Variants in INCENP observed in about 807,000 individuals in gnomAD.
INCENP encodes the protein inner centromere protein, also known as binds and activates aurora-B and -C in vivo and in vitro.
A neutral mutation model predicts 107.3 loss-of-function variants in INCENP; 43 were observed. The observed-to-expected ratio is 0.40, with a 90% CI of 0.31 to 0.52. INCENP has a LOEUF of 0.52. INCENP is among the 20% of genes least tolerant of loss of function. The probability of loss-of-function intolerance (pLI) is 0.53; values close to 1 mark genes in which losing one functional copy is unlikely to be tolerated. For missense variants in INCENP, 1,089 were observed against 1,250.9 expected (o/e 0.87, Z 1.95); for synonymous variants, 488 against 494.4 (o/e 0.99, Z 0.17).
intron 7 of INCENP, 42 bp from the exon 8 acceptor site, chr11:62,140,192 G>A (rs922913034): frequency 6.3e-6 from 10 of 1,593,874 alleles, no homozygotes; most frequent in Admixed American, 1.7e-5. Flanking sequence ...CCCTGCCGCC[G>A]CCATCGTTTC....
rs376752353 is a variant in INCENP, at chr11:62,144,397, AAATT to A, written c.1606-581_1606-578del. ...CACAGGAAGTTTGGAAAATAAAAGA[AAATT>A]AATACCATCCCTAATCCATCTCACT... On this transcript the variant is annotated intron_variant, in intron 11 of 18. Coordinates refer to ENST00000394818, the MANE Select transcript of INCENP (RefSeq NM_001040694.2). Among the ~76,000 whole-genome samples, 1,116 of 152,246 alleles carry A rather than the reference AAATT, an allele frequency of 7.3e-3. 18 individuals are homozygous for A. Among genetic ancestry groups the A allele is most frequent in the African/African-American group, 0.025 (1,050 of 41,518 alleles).
At chr11:62,145,524 C>A in intron 13 of INCENP, 105 bp from the exon 14 acceptor site, 1 of 1,429,418 alleles carries the variant, frequency 7.0e-7, no homozygotes. Context: ...TGGGAACAAG[C>A]CAGGTGTGCA....
chr11:62,124,174 G>C lies in INCENP; in HGVS notation c.-12+11G>C, dbSNP rs61895534. On this transcript the variant is annotated intron_variant, in intron 1 of 18. Transcript: ENST00000394818. ...ACGTGGCGCAGTCGAGTGAGTGCGCGTGGGCGTGGGGATTGGGGGGTGGTT... is the reference window on the plus strand; with the variant it reads ...ACGTGGCGCAGTCGAGTGAGTGCGCCTGGGCGTGGGGATTGGGGGGTGGTT... The C allele has an allele frequency of 6.6e-6, 1 of 152,344 alleles. No homozygotes were observed. Among genetic ancestry groups the C allele is most frequent in the African/African-American group, 2.4e-5 (1 of 41,538 alleles). The allele number at this position is 152,344 out of a possible 1,614,324, so 9.4% of individuals were successfully genotyped here. A position where few individuals can be genotyped will look rare whatever the true frequency, so the allele number is the denominator to read the frequency against.
In INCENP at chr11:62,140,780, C is replaced by T; in HGVS notation, c.1420C>T (p.Pro474Ser). ...CCTGGAGGATGAGGAGCTGCAGCCCCCCAGGAGCAAGACCCCTTCCTCACC... is the reference window on the plus strand; with the variant it reads ...CCTGGAGGATGAGGAGCTGCAGCCCTCCAGGAGCAAGACCCCTTCCTCACC... The part of the protein sequence containing the change: ...QHLEDEELQP[P>S]RSKTPSSPCP... The change falls in exon 9 of 19, where the codon CCC (proline) becomes TCC (serine). Residue 474 changes from proline (P) to serine (S), a missense_variant. Transcript: ENST00000394818. 6.2e-7 allele frequency: 1 copy of T among 1,612,024 alleles called. No homozygotes were observed. The highest frequency in any genetic ancestry group is 8.5e-7 in the Non-Finnish European group (1 of 1,179,682).
chr11:62,138,708 T>C lies in INCENP; in HGVS notation c.1116-5T>C, dbSNP rs777538345. On this transcript the variant is annotated splice_region_variant and splice_polypyrimidine_tract_variant and intron_variant, in intron 5 of 18. Coordinates refer to ENST00000394818, the MANE Select transcript of INCENP (RefSeq NM_001040694.2). ...GTCCCCTCAGAGTCCCTCTTCTGTT[T>C]TCAGTTCTGAGCAGAAGGAACCCCC... 2 of 1,613,830 alleles carry C rather than the reference T, an allele frequency of 1.2e-6. No homozygotes were observed. Among genetic ancestry groups the C allele is most frequent in the East Asian group, 4.5e-5 (2 of 44,882 alleles).
chr11:62,145,298 C>T lies in INCENP; in HGVS notation c.1836+9C>T. ...ACGAGAAGACTGAGAAGGTGGGAGC[C>T]TGGGCTGTGGAGGCCCAGGCAATTC... On this transcript the variant is annotated intron_variant, in intron 13 of 18. Coordinates refer to ENST00000394818, the MANE Select transcript of INCENP (RefSeq NM_001040694.2). 1 of 1,613,906 alleles carries T rather than the reference C, an allele frequency of 6.2e-7. No homozygotes were observed.
chr11:62,139,420 G>T lies in INCENP; in HGVS notation c.1291+415G>T, dbSNP rs530754715. ...CTTTGTATGTCCATCCTTGTCTAAA[G>T]AGGGCTGGAGAGCAGTGGGTTTGGG... On this transcript the variant is annotated intron_variant, in intron 7 of 18. Coordinates refer to ENST00000394818, the MANE Select transcript of INCENP (RefSeq NM_001040694.2). Among the ~76,000 whole-genome samples the T allele has an allele frequency of 2.0e-5, 3 of 152,308 alleles. No individual in the cohort carries two copies. In the South Asian group the frequency reaches 6.2e-4, roughly 32 times the overall value.
At position 62,138,699 on chromosome 11, in the gene INCENP, T is replaced by G. The variant is rs747977517; in HGVS notation, c.1116-14T>G. 2 of 1,613,682 alleles carry G rather than the reference T, an allele frequency of 1.2e-6. No individual in the cohort carries two copies. Among genetic ancestry groups the G allele is most frequent in the Admixed American group, 3.3e-5 (2 of 60,026 alleles). Reference sequence around the variant, plus strand: ...AGCTGGGCAGTCCCCTCAGAGTCCCTCTTCTGTTTTCAGTTCTGAGCAGAA... The same window carrying G: ...AGCTGGGCAGTCCCCTCAGAGTCCCGCTTCTGTTTTCAGTTCTGAGCAGAA... On this transcript the variant is annotated splice_polypyrimidine_tract_variant and intron_variant, in intron 5 of 18. Transcript: ENST00000394818.
rs779559567 is a variant in INCENP at position 62,146,921 on chromosome 11, C to T, written c.2204+19C>T. The T allele has an allele frequency of 1.8e-5, 28 of 1,598,146 alleles. No individual in the cohort carries two copies. The highest frequency in any genetic ancestry group is 5.0e-5 in the Admixed American group (3 of 59,784). ...CCGAGAGGTGAGGGACCTGCTGGCC[C>T]GCCTGCCTGCCTTCCATGTGTGTGG... On this transcript the variant is annotated intron_variant, in intron 15 of 18. Transcript: ENST00000394818.
At chr11:62,125,822 G>C (rs1943736884) in intron 1 of INCENP, among the ~76,000 whole-genome samples, 1 of 152,246 alleles carries the variant, frequency 6.6e-6, no homozygotes. Flanking sequence ...ACAGGGGTTT[G>C]CCCTCAGAGA....
At chr11:62,124,392 G>GC (rs1943706244) in intron 1 of INCENP, among the ~76,000 whole-genome samples, 3 of 150,536 alleles carry the variant, frequency 2.0e-5, no homozygotes, top group Admixed American at 6.7e-5. Context: ...CTAGAGCATA[G>GC]CCCCGTTCCC....
At chr11:62,133,614 G>A (rs575328982) in intron 4 of INCENP, among the ~76,000 whole-genome samples, 4 of 152,308 alleles carry the variant, frequency 2.6e-5, no homozygotes, top group African/African-American at 7.2e-5. Flanking sequence ...CCTGAATGTC[G>A]TGCAGATGGC....
At chr11:62,126,208 T>TTTTTG (rs763308344) in intron 1 of INCENP, among the ~76,000 whole-genome samples, 1 of 88,806 alleles carries the variant, frequency 1.1e-5, no homozygotes, top group East Asian at 2.1e-4. Flanking sequence ...TGGTTTTTTT[T>TTTTTG]TTTTTGAGAT....
chr11:62,138,812 C>A, intron 6 of INCENP, 42 bp downstream of exon 6: 1 of 1,610,372 alleles, frequency 6.2e-7, no homozygotes, highest in Non-Finnish European at 8.5e-7. Flanking sequence ...ACCTCTGGGG[C>A]TCCCGCTCTG....
At chr11:62,146,513 C>A in intron 14 of INCENP, 145 bp from the exon 15 acceptor site, 2 of 1,257,564 alleles carry the variant, frequency 1.6e-6, no homozygotes, top group South Asian at 1.5e-5. Flanking sequence ...CAGAGCCTTG[C>A]TCGGGATGTC....
intron 4 of INCENP, among the ~76,000 whole-genome samples, chr11:62,135,261 T>G (rs565360718): frequency 4.7e-5 from 7 of 150,366 alleles, no homozygotes; most frequent in South Asian, 2.1e-4. Flanking sequence ...CTTTGTTTTG[T>G]TTTTTTTTGT....
intron 18 of INCENP, among the ~76,000 whole-genome samples, chr11:62,151,034 G>C (rs1944361416): frequency 6.6e-6 from 1 of 152,228 alleles, no homozygotes; most frequent in Admixed American, 6.5e-5. Flanking sequence ...TCATTTGGGA[G>C]ATGGCAGTGA....
At chr11:62,137,201 A>G (rs1944011197) in intron 4 of INCENP, among the ~76,000 whole-genome samples, 3 of 152,156 alleles carry the variant, frequency 2.0e-5, no homozygotes, top group South Asian at 2.1e-4. Flanking sequence ...TAAAAATACA[A>G]AAATTAGCCG....
Position 62,150,153 on chromosome 11 carries a change from G to C in INCENP, c.2488G>C (p.Asp830His), listed in dbSNP as rs913193046. 1.9e-6 allele frequency: 3 copies of C among 1,613,886 alleles called. No individual in the cohort carries two copies. The highest frequency in any genetic ancestry group is 2.5e-6 in the Non-Finnish European group (3 of 1,180,012). Residue 830 changes from aspartate to histidine, a missense_variant, in exon 18 of 19, where the codon GAC becomes CAC. Asp to His is a moderately conservative substitution (Grantham distance 81). Transcript: ENST00000394818. ...DNYGMDLNSD[D>H]STDDEAHPRK... Reference sequence around the variant, plus strand: ...CTACGGGATGGATCTGAATAGCGACGACTCCACCGATGATGAGGCCCATCC... The same window carrying C: ...CTACGGGATGGATCTGAATAGCGACCACTCCACCGATGATGAGGCCCATCC...
Sources: gnomAD v4.1 joint callset for allele counts (sites outside exome capture counted in the v4.1 genomes callset) on GRCh38, gnomAD v4.1.1 for gene constraint, MANE v1.5 for transcripts, NCBI Gene and HGNC (gene_info 2026-07-23, HGNC 2026-07-21) for gene names.